Variants in C1QTNF7 observed in about 807,000 individuals in gnomAD.
The protein encoded by C1QTNF7 is complement C1q tumor necrosis factor-related protein 7.
Under a neutral mutation model 19.6 loss-of-function variants are expected in C1QTNF7, and 15 were observed. The observed-to-expected ratio is 0.76, with a 90% CI of 0.51 to 1.18. C1QTNF7 has a LOEUF of 1.18. Ranked by LOEUF, C1QTNF7 falls within the 50% of genes most tolerant of loss-of-function variation. C1QTNF7 has a pLI of 0.00. For synonymous variants in C1QTNF7, 142 were observed against 137.5 expected (o/e 1.03, Z -0.23); for missense variants, 324 against 359.7 (o/e 0.90, Z 0.80).
At chr4:15,395,629 C>T (rs143275678) in intron 1 of C1QTNF7, among the ~76,000 whole-genome samples, 24 of 152,130 alleles carry the variant, frequency 1.6e-4, no homozygotes, top group Non-Finnish European at 2.9e-4. Flanking sequence ...GGGCTGGGAG[C>T]TGGGGGATAG....
chr4:15,368,559 C>T (rs568274305), intron 1 of C1QTNF7, among the ~76,000 whole-genome samples: 8 of 152,092 alleles, frequency 5.3e-5, no homozygotes, highest in East Asian at 3.9e-4. Context: ...TCTGTCCTTG[C>T]GACAGTTTGC....
intron 1 of C1QTNF7, chr4:15,373,711 T>C (rs1184838623): frequency 6.6e-6 from 1 of 152,246 alleles, no homozygotes; most frequent in African/African-American, 2.4e-5. Context: ...CTGTATATGC[T>C]GTATACCCTT....
chr4:15,434,207 A>G (rs764593837), intron 1 of C1QTNF7, among the ~76,000 whole-genome samples: 5 of 152,134 alleles, frequency 3.3e-5, no homozygotes, highest in Non-Finnish European at 7.4e-5. Flanking sequence ...ATTTAGTCAA[A>G]GTTACAGAGC....
chr4:15,404,795 G>A (rs568831703), intron 1 of C1QTNF7, among the ~76,000 whole-genome samples: 1 of 152,290 alleles, frequency 6.6e-6, no homozygotes, highest in Non-Finnish European at 1.5e-5. Flanking sequence ...CCCGAGTAAG[G>A]AATGTCTGCA....
At chr4:15,436,378 GGACA>G (rs897434112) in intron 2 of C1QTNF7, among the ~76,000 whole-genome samples, 7 of 152,196 alleles carry the variant, frequency 4.6e-5, no homozygotes, top group African/African-American at 1.7e-4. Context: ...GCGCATGGAT[GGACA>G]GACAGAGAGA....
intron 2 of C1QTNF7, among the ~76,000 whole-genome samples, chr4:15,440,769 T>C (rs770245590): frequency 2.6e-5 from 4 of 152,204 alleles, no homozygotes; most frequent in Middle Eastern, 3.4e-3. Context: ...AGCTACTGCA[T>C]GGTGGTGGCA....
chr4:15,386,919 A>G (rs1718358778), intron 1 of C1QTNF7, among the ~76,000 whole-genome samples: 1 of 152,134 alleles, frequency 6.6e-6, no homozygotes, highest in Non-Finnish European at 1.5e-5. Flanking sequence ...TCAGAGTAAG[A>G]AGGGAAGCCA....
At chr4:15,416,927 T>C (rs988420072) in intron 1 of C1QTNF7, among the ~76,000 whole-genome samples, 9 of 152,236 alleles carry the variant, frequency 5.9e-5, no homozygotes, top group African/African-American at 1.7e-4. Context: ...TGCTTGTCTA[T>C]TGCATTCTCT....
At chr4:15,357,348 T>A (rs1458412341) in intron 1 of C1QTNF7, among the ~76,000 whole-genome samples, 2 of 152,244 alleles carry the variant, frequency 1.3e-5, no homozygotes, top group African/African-American at 4.8e-5. Context: ...ATTTATTAAA[T>A]AGGGAATCCT....
intron 1 of C1QTNF7, chr4:15,374,849 G>C: frequency 1.3e-6 from 1 of 760,928 alleles, no homozygotes; most frequent in Non-Finnish European, 1.6e-6. Flanking sequence ...GCTCATGTTG[G>C]TGTTTCTCTC....
chr4:15,383,298 G>A (rs180813643), intron 1 of C1QTNF7, among the ~76,000 whole-genome samples: 144 of 152,230 alleles, frequency 9.5e-4, no homozygotes, highest in African/African-American at 3.4e-3. Context: ...TAGGTTCAGG[G>A]CAGAGGGAGG....
chr4:15,354,985 G>A (rs952878762), intron 1 of C1QTNF7, among the ~76,000 whole-genome samples: 8 of 152,114 alleles, frequency 5.3e-5, no homozygotes, highest in East Asian at 1.9e-4. Flanking sequence ...GCCAGGGCGC[G>A]CTTTGGGGGA....
rs549124872 is a variant in C1QTNF7, at chr4:15,355,664, C to T, written c.13+15457C>T. On this transcript the variant is annotated intron_variant, in intron 1 of 2. Transcript: ENST00000295297. ...TTAACTGAGATCACATGCACAGGAG[C>T]CCACCAATCAGAAAGAGGCTGAAGC... Among the ~76,000 whole-genome samples the T allele has an allele frequency of 5.4e-4, 82 of 152,068 alleles. No homozygotes were observed. In the Middle Eastern group the frequency reaches 0.014, roughly 25 times the overall value.
At chr4:15,409,009 G>A (rs1719305263) in intron 1 of C1QTNF7, among the ~76,000 whole-genome samples, 1 of 152,132 alleles carries the variant, frequency 6.6e-6, no homozygotes, top group African/African-American at 2.4e-5. Flanking sequence ...AAGACCCCCA[G>A]TCTCAGCAAG....
chr4:15,347,607 C>T (rs1577226500), intron 1 of C1QTNF7, among the ~76,000 whole-genome samples: 1 of 152,086 alleles, frequency 6.6e-6, no homozygotes, highest in Non-Finnish European at 1.5e-5. Flanking sequence ...ATAGTGGCTG[C>T]CTGAAGCCCT....
chr4:15,437,956 G>A lies in C1QTNF7; in HGVS notation c.238+1975G>A, dbSNP rs929216574. Among the ~76,000 whole-genome samples, 9 of 152,098 alleles carry A rather than the reference G, an allele frequency of 5.9e-5. No homozygotes were observed. The East Asian group carries it at 1.7e-3, about 29-fold the overall frequency. The stretch of plus-strand genomic sequence containing the variant: ...GTTGAGAACGCTGTTCTAGACACTG[G>A]GAACGCAAGCATAAGACATTGTTCT... On this transcript the variant is annotated intron_variant, in intron 2 of 2. Transcript: ENST00000444304.
intron 1 of C1QTNF7, among the ~76,000 whole-genome samples, chr4:15,431,399 T>C (rs1247373623): frequency 6.6e-6 from 1 of 152,182 alleles, no homozygotes; most frequent in East Asian, 1.9e-4. Flanking sequence ...GGAACCTGGG[T>C]ATCCAGAAGA....
chr4:15,350,809 C>T (rs371502803), intron 1 of C1QTNF7, among the ~76,000 whole-genome samples: 7 of 152,186 alleles, frequency 4.6e-5, no homozygotes, highest in South Asian at 2.1e-4. Flanking sequence ...ATAGCTGCCC[C>T]GGAGAAAGAA....
At chr4:15,407,239 C>T (rs1719224548) in intron 1 of C1QTNF7, among the ~76,000 whole-genome samples, 1 of 152,126 alleles carries the variant, frequency 6.6e-6, no homozygotes, top group Non-Finnish European at 1.5e-5. Flanking sequence ...GTCAATAGCA[C>T]CCTATGGACC....
Sources: gnomAD v4.1 joint callset for allele counts (sites outside exome capture counted in the v4.1 genomes callset) on GRCh38, gnomAD v4.1.1 for gene constraint, MANE v1.5 for transcripts, NCBI Gene and HGNC (gene_info 2026-07-23, HGNC 2026-07-21) for gene names.